HNRNPLL: variants seen among roughly 807,000 people sequenced by gnomAD.
The protein encoded by HNRNPLL is heterogeneous nuclear ribonucleoprotein L like.
In HNRNPLL, 25 loss-of-function variants were observed where a neutral mutation model predicts 67.1. The ratio of observed to expected loss-of-function variants is 0.37; its 90% CI spans 0.27 to 0.52. HNRNPLL has a LOEUF of 0.52. Ranked by LOEUF, HNRNPLL falls within the 20% of genes least tolerant of loss-of-function variation. The pLI is 0.90. For synonymous variants in HNRNPLL, 267 were observed against 241.7 expected (o/e 1.10, Z -0.97); for missense variants, 542 against 673.9 (o/e 0.80, Z 2.17).
intron 1 of HNRNPLL, among the ~76,000 whole-genome samples, chr2:38,600,998 G>A (rs776265312): frequency 2.6e-5 from 4 of 152,124 alleles, no homozygotes; most frequent in Admixed American, 6.5e-5. Flanking sequence ...AAAAACCCAA[G>A]CAAGATTTCT....
At chr2:38,582,439 T>C (rs1453275450) in intron 4 of HNRNPLL, among the ~76,000 whole-genome samples, 1 of 152,114 alleles carries the variant, frequency 6.6e-6, no homozygotes. Context: ...GCCTCCCAAG[T>C]AGCTGGGACT....
chr2:38,602,407 C>G lies in HNRNPLL; in HGVS notation c.189+31G>C, dbSNP rs772749921. ...CCCTGCTTCCCGGGGAGCAGCCAGG[C>G]ACAGCGGACAGGGGGGCCGCGCTTT... On this transcript the variant is annotated intron_variant, in intron 1 of 12. Coordinates refer to ENST00000449105, the MANE Select transcript of HNRNPLL (RefSeq NM_138394.4). 20 of 1,547,678 alleles carry G rather than the reference C, an allele frequency of 1.3e-5. No homozygotes were observed. In the African/African-American group the frequency reaches 2.5e-4, roughly 19 times the overall value.
chr2:38,602,237 A>C, intron 1 of HNRNPLL: 4 of 545,232 alleles, frequency 7.3e-6, no homozygotes, highest in Non-Finnish European at 1.2e-5. Flanking sequence ...GCCTGCGGCC[A>C]GGACGGCGCC....
intron 7 of HNRNPLL, among the ~76,000 whole-genome samples, chr2:38,576,383 G>T (rs1455872152): frequency 6.6e-6 from 1 of 151,676 alleles, no homozygotes; most frequent in East Asian, 1.9e-4. Flanking sequence ...CATGTTTAAT[G>T]TTTACTCTGT....
intron 2 of HNRNPLL, among the ~76,000 whole-genome samples, chr2:38,589,357 T>G (rs1004745201): frequency 2.6e-5 from 4 of 152,180 alleles, no homozygotes; most frequent in Non-Finnish European, 4.4e-5. Context: ...CACATTCCAT[T>G]AAATAAAGGG....
chr2:38,602,376 C>T, intron 1 of HNRNPLL, 62 bp downstream of exon 1: 1 of 1,485,914 alleles, frequency 6.7e-7, no homozygotes, highest in South Asian at 1.2e-5. Flanking sequence ...AGGCCCCGCA[C>T]CGAGGCCCTG....
intron 1 of HNRNPLL, among the ~76,000 whole-genome samples, chr2:38,594,154 G>A (rs371085226): frequency 3.3e-5 from 5 of 151,948 alleles, no homozygotes; most frequent in South Asian, 2.1e-4. Flanking sequence ...CAGCCTGGGC[G>A]ACAGAACAAG....
chr2:38,581,862 T>C (rs1176932861), intron 6 of HNRNPLL, 51 bp downstream of exon 6: 3 of 1,189,458 alleles, frequency 2.5e-6, no homozygotes, highest in African/African-American at 1.5e-5. Flanking sequence ...TAACTGCATA[T>C]AAAAATTTGT....
Position 38,573,382 on chromosome 2 carries a change from C to T in HNRNPLL, c.920G>A (p.Gly307Asp), listed in dbSNP as rs1166474299. The change falls in exon 8 of 13, where the codon GGC becomes GAC. Residue 307 changes from glycine (G) to aspartate (D), a missense_variant. By Grantham distance (94) the Gly-to-Asp change is moderately conservative (BLOSUM62 -1). Transcript: ENST00000449105. Reference protein sequence around the residue: ...LLPLPSRYRMGSRDTPELVAY... With the variant: ...LLPLPSRYRMDSRDTPELVAY... The stretch of plus-strand genomic sequence containing the variant: ...AACAAGTTCAGGTGTATCTCGAGAG[C>T]CCATTCTGTAACGACTTGGTAAAGG... 6 of 1,611,728 alleles carry T rather than the reference C, an allele frequency of 3.7e-6. No individual in the cohort carries two copies. Among genetic ancestry groups the T allele is most frequent in the Non-Finnish European group, 5.1e-6 (6 of 1,178,936 alleles).
At position 38,602,423 on chromosome 2, in the gene HNRNPLL, G is replaced by A. The variant is rs1402058879; in HGVS notation, c.189+15C>T. 1.3e-6 allele frequency: 2 copies of A among 1,542,642 alleles called. No individual in the cohort carries two copies. Among genetic ancestry groups the A allele is most frequent in the East Asian group, 2.4e-5 (1 of 41,634 alleles). Reference sequence around the variant, plus strand: ...GCAGCCAGGCACAGCGGACAGGGGGGCCGCGCTTTGTTACCGGCTGAGAGA... The same window carrying A: ...GCAGCCAGGCACAGCGGACAGGGGGACCGCGCTTTGTTACCGGCTGAGAGA... On this transcript the variant is annotated intron_variant, in intron 1 of 12. Coordinates refer to ENST00000449105, the MANE Select transcript of HNRNPLL (RefSeq NM_138394.4).
At chr2:38,601,719 A>G (rs75632704) in intron 1 of HNRNPLL, 3 of 152,268 alleles carry the variant, frequency 2.0e-5, no homozygotes, top group East Asian at 3.9e-4. Flanking sequence ...TAAATTACCA[A>G]TGAAAAACTT....
chr2:38,584,140 C>A lies in HNRNPLL; in HGVS notation c.547-214G>T, dbSNP rs557842869. Among the ~76,000 whole-genome samples, 6 of 152,324 alleles carry A rather than the reference C, an allele frequency of 3.9e-5. No homozygotes were observed. The East Asian group carries it at 1.2e-3, about 29-fold the overall frequency. On this transcript the variant is annotated intron_variant, in intron 3 of 12. Transcript: ENST00000449105. ...GCAGTGGCACGATCACAGTTCCCTA[C>A]AGCCCTGACTTCCCAGGCTGAAACG...
intron 8 of HNRNPLL, among the ~76,000 whole-genome samples, chr2:38,572,637 C>T (rs1182749947): frequency 1.3e-5 from 2 of 152,066 alleles, no homozygotes; most frequent in Non-Finnish European, 2.9e-5. Flanking sequence ...AATAAAGTTA[C>T]AATTATTAAA....
intron 12 of HNRNPLL, 67 bp from the exon 13 acceptor site, chr2:38,564,304 G>A: frequency 1.2e-6 from 1 of 833,976 alleles, no homozygotes; most frequent in Non-Finnish European, 2.1e-6. Flanking sequence ...TGAAGTATCA[G>A]AGTAAATTAC....
chr2:38,574,160 T>C (rs1666207885), intron 7 of HNRNPLL, among the ~76,000 whole-genome samples: 1 of 151,976 alleles, frequency 6.6e-6, no homozygotes, highest in South Asian at 2.1e-4. Flanking sequence ...TTGCTAACTT[T>C]AGAGTAGCTT....
At chr2:38,566,843 T>TA (rs1034618168) in intron 12 of HNRNPLL, among the ~76,000 whole-genome samples, 7 of 145,876 alleles carry the variant, frequency 4.8e-5, no homozygotes, top group South Asian at 2.2e-4. Flanking sequence ...AAATTAAAAA[T>TA]AAAAAAAAAT....
chr2:38,583,074 G>A (rs1666596155), intron 4 of HNRNPLL, among the ~76,000 whole-genome samples: 1 of 151,986 alleles, frequency 6.6e-6, no homozygotes, highest in African/African-American at 2.4e-5. Context: ...ACATTACAAA[G>A]AGCCAAAGTA....
intron 12 of HNRNPLL, among the ~76,000 whole-genome samples, chr2:38,566,583 G>A (rs1164270545): frequency 2.0e-5 from 3 of 151,902 alleles, no homozygotes; most frequent in Non-Finnish European, 2.9e-5. Flanking sequence ...GGTTGGTAAC[G>A]TAAACTGGTG....
At chr2:38,595,971 G>T (rs1667173030) in intron 1 of HNRNPLL, among the ~76,000 whole-genome samples, 1 of 151,894 alleles carries the variant, frequency 6.6e-6, no homozygotes, top group Non-Finnish European at 1.5e-5. Flanking sequence ...CCCACTCAAT[G>T]AATCTGCCAT....
Sources: allele counts gnomAD v4.1 joint callset (sites outside exome capture counted in the v4.1 genomes callset), GRCh38; gene constraint gnomAD v4.1.1; transcripts MANE v1.5; gene names NCBI Gene and HGNC (gene_info 2026-07-23, HGNC 2026-07-21).